Variants in CDK14 observed in about 807,000 individuals in gnomAD.
The protein encoded by CDK14 is cyclin-dependent kinase 14.
Under a neutral mutation model 60.7 loss-of-function variants are expected in CDK14, and 34 were observed. The ratio of observed to expected loss-of-function variants is 0.56; its 90% CI spans 0.43 to 0.75. CDK14 has a LOEUF of 0.75. CDK14 is among the 30% of genes least tolerant of loss of function. The pLI is 0.00. For synonymous variants in CDK14, 197 were observed against 203.7 expected (o/e 0.97, Z 0.28); for missense variants, 482 against 564.1 (o/e 0.85, Z 1.47).
intron 5 of CDK14, among the ~76,000 whole-genome samples, chr7:90,807,227 A>G (rs1161869066): frequency 6.6e-6 from 1 of 152,244 alleles, no homozygotes; most frequent in Non-Finnish European, 1.5e-5. Context: ...CAGTAGGGGC[A>G]GACTGACACC....
chr7:90,891,113 G>T (rs1007614625), intron 6 of CDK14, among the ~76,000 whole-genome samples: 6 of 152,030 alleles, frequency 3.9e-5, no homozygotes, highest in Non-Finnish European at 8.8e-5. Context: ...GACCACATGG[G>T]GTACCACAGA....
intron 11 of CDK14, among the ~76,000 whole-genome samples, chr7:91,070,621 A>T (rs982645553): frequency 1.3e-5 from 2 of 152,114 alleles, no homozygotes; most frequent in South Asian, 2.1e-4. Flanking sequence ...TTAGCCAGGC[A>T]TGGTGGCATG....
intron 5 of CDK14, among the ~76,000 whole-genome samples, chr7:90,853,381 G>A (rs995890646): frequency 6.6e-6 from 1 of 152,036 alleles, no homozygotes; most frequent in African/African-American, 2.4e-5. Flanking sequence ...CAGTAGCTTT[G>A]TGTGTGAGAG....
At chr7:90,801,945 C>G (rs1292240501) in intron 5 of CDK14, among the ~76,000 whole-genome samples, 1 of 152,192 alleles carries the variant, frequency 6.6e-6, no homozygotes, top group African/African-American at 2.4e-5. Flanking sequence ...CTCAGGTCCT[C>G]TGTTCCCTCC....
At chr7:90,804,822 T>C (rs149622956) in intron 5 of CDK14, among the ~76,000 whole-genome samples, 1,610 of 152,250 alleles carry the variant, frequency 0.011, 33 homozygotes, top group African/African-American at 0.037. Flanking sequence ...TATGATACTT[T>C]TATATTTAAG....
intron 12 of CDK14, among the ~76,000 whole-genome samples, chr7:91,086,527 T>C (rs1798645333): frequency 6.6e-6 from 1 of 152,140 alleles, no homozygotes; most frequent in Admixed American, 6.5e-5. Context: ...CTCCCCTAAC[T>C]CTACTCAGAA....
chr7:91,110,728 A>C (rs1799447013), intron 12 of CDK14, among the ~76,000 whole-genome samples: 1 of 152,176 alleles, frequency 6.6e-6, no homozygotes, highest in South Asian at 2.1e-4. Context: ...TAGGAAAATG[A>C]TAGCAGTATT....
At chr7:90,680,000 G>A (rs1801283024) in intron 2 of CDK14, among the ~76,000 whole-genome samples, 3 of 152,158 alleles carry the variant, frequency 2.0e-5, no homozygotes, top group Non-Finnish European at 4.4e-5. Flanking sequence ...AAATTACTAT[G>A]TGTAATCAAG....
chr7:90,777,566 ATTG>A (rs1461099917), intron 4 of CDK14, among the ~76,000 whole-genome samples: 2 of 152,190 alleles, frequency 1.3e-5, no homozygotes, highest in Admixed American at 6.5e-5. Flanking sequence ...AGAGCTAGGC[ATTG>A]TTGTTTCAAA....
chr7:90,943,237 C>T (rs1316847197), intron 8 of CDK14, among the ~76,000 whole-genome samples: 1 of 151,864 alleles, frequency 6.6e-6, no homozygotes, highest in African/African-American at 2.4e-5. Flanking sequence ...TACATAAGAC[C>T]CAGTGTTACG....
intron 2 of CDK14, chr7:90,726,201 T>C (rs1802626753): frequency 2.0e-6 from 1 of 512,748 alleles, no homozygotes; most frequent in Non-Finnish European, 2.5e-6. Context: ...ATTTTTTGTT[T>C]TTTAAATTAA....
intron 10 of CDK14, among the ~76,000 whole-genome samples, chr7:91,008,754 C>G (rs1007433496): frequency 2.0e-5 from 3 of 152,144 alleles, no homozygotes; most frequent in African/African-American, 7.2e-5. Flanking sequence ...ATTGAGTTAA[C>G]TAAAGTGTAG....
At chr7:90,880,355 C>T (rs956941142) in intron 6 of CDK14, among the ~76,000 whole-genome samples, 1 of 152,196 alleles carries the variant, frequency 6.6e-6, no homozygotes, top group Non-Finnish European at 1.5e-5. Flanking sequence ...AGCCGTAACC[C>T]ATCCTTCCTC....
chr7:90,690,421 G>A (rs546283630), intron 2 of CDK14, among the ~76,000 whole-genome samples: 61 of 152,124 alleles, frequency 4.0e-4, no homozygotes, highest in African/African-American at 1.4e-3. Context: ...CTTCCTCAAG[G>A]GATTCTTGTA....
chr7:90,720,681 G>T (rs183259048), intron 2 of CDK14, among the ~76,000 whole-genome samples: 1 of 152,168 alleles, frequency 6.6e-6, no homozygotes, highest in African/African-American at 2.4e-5. Flanking sequence ...CTTATTAACA[G>T]TGTGGGTTTA....
At chr7:90,855,219 A>T (rs1037482739) in intron 5 of CDK14, among the ~76,000 whole-genome samples, 1 of 152,236 alleles carries the variant, frequency 6.6e-6, no homozygotes, top group Non-Finnish European at 1.5e-5. Flanking sequence ...ACAGGCTGAT[A>T]CAGGGTCTAC....
At chr7:91,091,429 T>C (rs1798813588) in intron 12 of CDK14, among the ~76,000 whole-genome samples, 1 of 142,850 alleles carries the variant, frequency 7.0e-6, no homozygotes, top group Non-Finnish European at 1.5e-5. Context: ...TATACATATA[T>C]AATTTATATA....
chr7:91,082,136 C>T lies in CDK14; in HGVS notation c.1154+2656C>T, dbSNP rs1798499510. Among the ~76,000 whole-genome samples, 4 of 152,176 alleles carry T rather than the reference C, an allele frequency of 2.6e-5. No homozygotes were observed. In the South Asian group the frequency reaches 8.3e-4, roughly 32 times the overall value. ...GTTGTCTGACATTGGCATGTATGTG[C>T]AATCAACCAAGAATTTTAGCCACTT... On this transcript the variant is annotated intron_variant, in intron 12 of 14. Transcript: ENST00000380050.
At chr7:90,621,647 T>TCCTGCCTGCCTTCCTG (rs763125461) in intron 2 of CDK14, among the ~76,000 whole-genome samples, 3 of 72,750 alleles carry the variant, frequency 4.1e-5, no homozygotes, top group South Asian at 8.7e-4. Flanking sequence ...CTTCCTTCCT[T>TCCTGCCTGCCTTCCTG]CCTTCCTTCC....
Sources: allele counts gnomAD v4.1 joint callset (sites outside exome capture counted in the v4.1 genomes callset), GRCh38; gene constraint gnomAD v4.1.1; transcripts MANE v1.5; gene names NCBI Gene and HGNC (gene_info 2026-07-23, HGNC 2026-07-21).